The following ADAMTSL1 variants were observed in gnomAD, a reference collection of about 807,000 sequenced individuals.
ADAMTSL1 encodes the protein ADAMTS-like protein 1.
A neutral mutation model predicts 201.8 loss-of-function variants in ADAMTSL1; 126 were observed. The ratio of observed to expected loss-of-function variants is 0.62; its 90% CI spans 0.54 to 0.72. The LOEUF (loss-of-function observed/expected upper bound fraction) is 0.72. Among genes scored for constraint, ADAMTSL1 ranks in the 30% least tolerant of loss-of-function variants. The pLI, the probability that ADAMTSL1 is intolerant of heterozygous loss-of-function variation, is 0.00. For missense variants in ADAMTSL1, 2,679 were observed against 2,277.8 expected (o/e 1.18, Z -3.59); for synonymous variants, 1,121 against 903.4 (o/e 1.24, Z -4.32).
chr9:18,715,543 C>T (rs887081423), intron 14 of ADAMTSL1, among the ~76,000 whole-genome samples: 1 of 151,952 alleles, frequency 6.6e-6, no homozygotes, highest in Non-Finnish European at 1.5e-5. Context: ...TGTGAAGGAC[C>T]TCTTCAAAGA....
At chr9:18,073,756 C>T (rs1211736571) in intron 1 of ADAMTSL1, among the ~76,000 whole-genome samples, 1 of 152,170 alleles carries the variant, frequency 6.6e-6, no homozygotes, top group African/African-American at 2.4e-5. Context: ...TTAAAAATAA[C>T]AGATTCCAAC....
chr9:18,056,185 C>G (rs1822176061), intron 1 of ADAMTSL1, among the ~76,000 whole-genome samples: 1 of 148,608 alleles, frequency 6.7e-6, no homozygotes, highest in African/African-American at 2.5e-5. Flanking sequence ...CCCTTCTCCT[C>G]AAATATCAAT....
chr9:18,245,333 T>G lies in ADAMTSL1; in HGVS notation c.207+81352T>G, dbSNP rs889908061. ...CAATATTTAAAAATTATAAATGGGA[T>G]AGCTTATATTCCTATTGTGATAGTA... is the stretch of plus-strand genomic sequence containing the variant. On this transcript the variant is annotated intron_variant, in intron 2 of 29. Coordinates refer to the ADAMTSL1 transcript ENST00000680146. Among the ~76,000 whole-genome samples, 9 of 152,184 alleles carry G rather than the reference T, an allele frequency of 5.9e-5. No homozygotes were observed. In the South Asian group the frequency reaches 1.7e-3, roughly 28 times the overall value.
intron 1 of ADAMTSL1, among the ~76,000 whole-genome samples, chr9:17,952,055 G>A (rs959742584): frequency 6.6e-6 from 1 of 151,808 alleles, no homozygotes; most frequent in African/African-American, 2.4e-5. Flanking sequence ...TCCCGCATCA[G>A]CCTCCTGAGT....
chr9:18,859,725 T>C (rs1827089807), intron 23 of ADAMTSL1, among the ~76,000 whole-genome samples: 1 of 152,228 alleles, frequency 6.6e-6, no homozygotes, highest in Non-Finnish European at 1.5e-5. Flanking sequence ...GAGATGTATG[T>C]ACTAGGAAAT....
chr9:18,185,464 C>A (rs559014022), intron 2 of ADAMTSL1, among the ~76,000 whole-genome samples: 2 of 152,116 alleles, frequency 1.3e-5, no homozygotes, highest in Non-Finnish European at 2.9e-5. Context: ...GCTATGCACA[C>A]GGTCCTGACC....
At chr9:18,357,090 C>T (rs1836282829) in intron 2 of ADAMTSL1, among the ~76,000 whole-genome samples, 1 of 152,168 alleles carries the variant, frequency 6.6e-6, no homozygotes, top group Admixed American at 6.5e-5. Flanking sequence ...ATCAGCCATA[C>T]TGGGACATCT....
chr9:18,151,743 C>A (rs1021456820), intron 1 of ADAMTSL1, among the ~76,000 whole-genome samples: 3 of 150,438 alleles, frequency 2.0e-5, no homozygotes, highest in African/African-American at 7.3e-5. Flanking sequence ...GCCCAAAACA[C>A]ATGTGGCCCA....
At chr9:18,765,122 G>C (rs931898833) in intron 16 of ADAMTSL1, among the ~76,000 whole-genome samples, 1 of 152,132 alleles carries the variant, frequency 6.6e-6, no homozygotes, top group Non-Finnish European at 1.5e-5. Context: ...TCTGAGAACT[G>C]TTCTTATTTA....
intron 1 of ADAMTSL1, among the ~76,000 whole-genome samples, chr9:18,129,761 C>T (rs552593475): frequency 3.3e-5 from 5 of 152,256 alleles, no homozygotes; most frequent in East Asian, 1.9e-4. Flanking sequence ...GATTCTGTAA[C>T]GCTGAGAGTC....
intron 1 of ADAMTSL1, among the ~76,000 whole-genome samples, chr9:18,077,363 T>G (rs1180125550): frequency 6.6e-6 from 1 of 151,930 alleles, no homozygotes; most frequent in East Asian, 1.9e-4. Context: ...CCTTATTGAG[T>G]GTTCATGGAG....
intron 2 of ADAMTSL1, among the ~76,000 whole-genome samples, chr9:18,434,434 G>A (rs1036337756): frequency 6.6e-6 from 1 of 152,132 alleles, no homozygotes; most frequent in African/African-American, 2.4e-5. Context: ...ACACTCTGTA[G>A]TAAAGAACAA....
intron 4 of ADAMTSL1, among the ~76,000 whole-genome samples, chr9:18,608,321 C>T (rs1025954364): frequency 3.3e-5 from 5 of 152,116 alleles, no homozygotes; most frequent in Admixed American, 6.6e-5. Flanking sequence ...AGTTACTACA[C>T]GATTTAATTT....
chr9:18,570,189 G>C (rs972171044), intron 3 of ADAMTSL1, among the ~76,000 whole-genome samples: 1 of 151,078 alleles, frequency 6.6e-6, no homozygotes, highest in African/African-American at 2.4e-5. Context: ...AGACTTGCCT[G>C]GAGAATGAAG....
chr9:18,843,354 A>G (rs1311217780), intron 23 of ADAMTSL1, among the ~76,000 whole-genome samples: 1 of 150,898 alleles, frequency 6.6e-6, no homozygotes, highest in East Asian at 1.9e-4. Flanking sequence ...AGAATGTTGA[A>G]TATTGGTCCC....
At chr9:17,907,394 C>T (rs997046691) in intron 1 of ADAMTSL1, among the ~76,000 whole-genome samples, 5 of 152,212 alleles carry the variant, frequency 3.3e-5, no homozygotes, top group Non-Finnish European at 5.9e-5. Context: ...GAACTTCTGA[C>T]ACTGTCACCC....
intron 20 of ADAMTSL1, among the ~76,000 whole-genome samples, chr9:18,810,006 T>G (rs1377456263): frequency 3.3e-5 from 5 of 152,150 alleles, no homozygotes; most frequent in African/African-American, 4.8e-5. Context: ...CATTAGATCA[T>G]AGCAACAGAG....
intron 2 of ADAMTSL1, among the ~76,000 whole-genome samples, chr9:18,379,755 A>G (rs1220948789): frequency 6.6e-6 from 1 of 152,242 alleles, no homozygotes; most frequent in African/African-American, 2.4e-5. Context: ...AAGAAAAAAC[A>G]TAAACTATGT....
rs951387324 is a variant in ADAMTSL1, at chr9:18,770,899, A to G, written c.2397+118A>G. ...AACAATCTTCCTAATATTATGGAAT[A>G]GTATTTTTGTAACCATATATACCGT... On this transcript the variant is annotated intron_variant, in intron 17 of 28. Coordinates refer to ENST00000380548, the MANE Select transcript of ADAMTSL1 (RefSeq NM_001040272.6). The G allele has an allele frequency of 4.6e-5, 52 of 1,135,612 alleles. No homozygotes were observed. In the Middle Eastern group the frequency reaches 6.2e-4, roughly 13 times the overall value. 70.3% of individuals were successfully genotyped at this position (1,135,612 alleles called of 1,614,324 possible). A position where few individuals can be genotyped will look rare whatever the true frequency, so the allele number is the denominator to read the frequency against.
Sources: gnomAD v4.1 joint callset for allele counts (sites outside exome capture counted in the v4.1 genomes callset) on GRCh38, gnomAD v4.1.1 for gene constraint, MANE v1.5 for transcripts, NCBI Gene and HGNC (gene_info 2026-07-23, HGNC 2026-07-21) for gene names.